RAP1GAP2: variants seen among roughly 807,000 people sequenced by gnomAD.
RAP1GAP2 encodes the protein RAP1 GTPase activating protein 2, also known as rap1 GTPase-activating protein 2.
RAP1GAP2 carries 27 observed loss-of-function variants against 95.0 expected under a neutral mutation model. That is an observed-to-expected ratio of 0.28 (90% CI 0.21 to 0.39). RAP1GAP2 has a LOEUF of 0.39. Among genes scored for constraint, RAP1GAP2 ranks in the 10% least tolerant of loss-of-function variants. RAP1GAP2 has a pLI of 1.00. For missense variants in RAP1GAP2, 771 were observed against 970.0 expected (o/e 0.79, Z 2.72); for synonymous variants, 373 against 380.9 (o/e 0.98, Z 0.24).
chr17:2,956,939 C>T (rs187753403), intron 3 of RAP1GAP2, among the ~76,000 whole-genome samples: 243 of 152,104 alleles, frequency 1.6e-3, no homozygotes, highest in African/African-American at 4.4e-3. Context: ...CCATCCTGGC[C>T]AACATAGTGA....
rs1192591206 is a variant in RAP1GAP2 at position 3,029,792 on chromosome 17, T to TG, written c.2108-1129dup. 6.6e-6 allele frequency among the ~76,000 whole-genome samples: 1 copy of TG among 152,138 alleles called. No homozygotes were observed. Among genetic ancestry groups the TG allele is most frequent in the Non-Finnish European group, 1.5e-5 (1 of 68,030 alleles). ...AGCGGGAAATGTTGACACCGGGCTC[T>TG]GCCACCACTCACACACACTTAACGG... On this transcript the variant is annotated intron_variant, in intron 22 of 24. Coordinates refer to ENST00000254695, the MANE Select transcript of RAP1GAP2 (RefSeq NM_015085.5). This position sits in a 1 kb window ranked among gnomAD's most constrained non-coding sequence, Gnocchi z 4.4.
intron 2 of RAP1GAP2, among the ~76,000 whole-genome samples, chr17:2,847,838 C>A (rs561160462): frequency 6.6e-6 from 1 of 152,138 alleles, no homozygotes; most frequent in Non-Finnish European, 1.5e-5. Context: ...GTACTGACTC[C>A]TGGGCGGCCT....
chr17:2,852,885 A>C (rs1452439860), intron 2 of RAP1GAP2, among the ~76,000 whole-genome samples: 2 of 152,080 alleles, frequency 1.3e-5, no homozygotes, highest in Non-Finnish European at 2.9e-5. Context: ...CGACCTTCCG[A>C]CCTTCCGACC....
rs2047389702 is a variant in RAP1GAP2, at chr17:3,033,378, C to T, written c.*31-14C>T. On this transcript the variant is annotated splice_polypyrimidine_tract_variant and intron_variant, in intron 24 of 24. Coordinates refer to ENST00000254695, the MANE Select transcript of RAP1GAP2 (RefSeq NM_015085.5). The surrounding 1 kb of genome is among the most constrained non-coding windows in gnomAD (Gnocchi z 4.9). ...GAATGTTCGCTCATCGCCGCCTCCT[C>T]CTTGTCTCCTCAGGGAATCCCCTCT... The T allele has an allele frequency of 6.5e-6, 1 of 153,026 alleles. No individual in the cohort carries two copies. Among genetic ancestry groups the T allele is most frequent in the Non-Finnish European group, 1.5e-5 (1 of 68,310 alleles). 9.5% of individuals were successfully genotyped at this position (153,026 alleles called of 1,614,324 possible).
chr17:2,877,355 C>T (rs938864401), intron 2 of RAP1GAP2, among the ~76,000 whole-genome samples: 11 of 152,238 alleles, frequency 7.2e-5, no homozygotes, highest in Non-Finnish European at 1.2e-4. Flanking sequence ...GCCAGCCTCC[C>T]TGCGGCCATG....
At chr17:2,931,061 G>A (rs2043128803) in intron 3 of RAP1GAP2, among the ~76,000 whole-genome samples, 1 of 147,186 alleles carries the variant, frequency 6.8e-6, no homozygotes, top group Non-Finnish European at 1.5e-5. Flanking sequence ...GGCAGGGGCT[G>A]CAGTGAGCCG....
intron 2 of RAP1GAP2, among the ~76,000 whole-genome samples, chr17:2,816,396 G>C (rs950574266): frequency 3.9e-5 from 6 of 151,990 alleles, no homozygotes; most frequent in African/African-American, 1.4e-4. Context: ...GAAGTGCAGT[G>C]GCGCGATCTT....
At chr17:2,852,009 G>A (rs917386555) in intron 2 of RAP1GAP2, among the ~76,000 whole-genome samples, 6 of 152,136 alleles carry the variant, frequency 3.9e-5, no homozygotes, top group Admixed American at 3.9e-4. Context: ...CTAAGCCAGC[G>A]CCCTCATCAC....
intron 2 of RAP1GAP2, among the ~76,000 whole-genome samples, chr17:2,881,032 A>T (rs2073266267): frequency 6.6e-6 from 1 of 151,428 alleles, no homozygotes; most frequent in African/African-American, 2.4e-5. Context: ...AGGCCGAGGC[A>T]GGTGGCTCAT....
intron 3 of RAP1GAP2, among the ~76,000 whole-genome samples, chr17:2,957,363 G>A (rs2044154923): frequency 6.6e-6 from 1 of 152,280 alleles, no homozygotes; most frequent in African/African-American, 2.4e-5. Context: ...GTGGAACGCC[G>A]CTTGTGTTGG....
intron 1 of RAP1GAP2, among the ~76,000 whole-genome samples, chr17:2,788,047 G>T (rs2068832313): frequency 2.6e-5 from 4 of 152,148 alleles, no homozygotes; most frequent in Admixed American, 2.6e-4. Context: ...ATAATGATAT[G>T]ATTAACATCT....
rs770582539 is a variant in RAP1GAP2, at chr17:2,965,527, T to C, written c.493-13T>C. On this transcript the variant is annotated splice_polypyrimidine_tract_variant and intron_variant, in intron 7 of 24. Coordinates refer to ENST00000254695, the MANE Select transcript of RAP1GAP2 (RefSeq NM_015085.5). The surrounding 1 kb of genome is among the most constrained non-coding windows in gnomAD (Gnocchi z 4.7). The stretch of plus-strand genomic sequence containing the variant: ...CTTCCTCCTTCCTGCTCACACTCAG[T>C]TTCTTTTTTTAGGATCATCTAAACT... 194 of 1,599,448 alleles carry C rather than the reference T, an allele frequency of 1.2e-4. No individual in the cohort carries two copies. The highest frequency in any genetic ancestry group is 1.6e-4 in the Non-Finnish European group (183 of 1,171,788).
chr17:2,894,311 T>C (rs577295415), intron 2 of RAP1GAP2, among the ~76,000 whole-genome samples: 15 of 152,264 alleles, frequency 9.9e-5, no homozygotes, highest in Non-Finnish European at 2.2e-4. Context: ...GCACCTGTAG[T>C]CCCAGCTACT....
chr17:2,800,739 G>A (rs570739539), intron 2 of RAP1GAP2, among the ~76,000 whole-genome samples, 189 bp downstream of exon 2: 1 of 152,284 alleles, frequency 6.6e-6, no homozygotes, highest in South Asian at 2.1e-4. Context: ...TTCAGGGAGA[G>A]GTAGAGGTGG....
At chr17:2,850,874 A>G (rs1456397597) in intron 2 of RAP1GAP2, among the ~76,000 whole-genome samples, 1 of 152,124 alleles carries the variant, frequency 6.6e-6, no homozygotes. Context: ...CAGCCTGGCC[A>G]ACATGGCGAA....
At chr17:2,894,385 G>A (rs1224821161) in intron 2 of RAP1GAP2, among the ~76,000 whole-genome samples, 2 of 152,158 alleles carry the variant, frequency 1.3e-5, no homozygotes, top group Admixed American at 6.5e-5. Context: ...AGCCAAGATC[G>A]CGCCACTGCT....
intron 11 of RAP1GAP2, 46 bp downstream of exon 11, chr17:2,985,112 A>G: frequency 1.2e-6 from 2 of 1,610,250 alleles, no homozygotes; most frequent in Middle Eastern, 1.7e-4. Flanking sequence ...GTGGTTTCTC[A>G]CTTAGGACTC....
At chr17:2,936,466 T>A (rs1030136448) in intron 3 of RAP1GAP2, among the ~76,000 whole-genome samples, 5 of 151,750 alleles carry the variant, frequency 3.3e-5, no homozygotes, top group Non-Finnish European at 7.4e-5. Flanking sequence ...ACAAACGCAC[T>A]CACCTTCTTC....
At chr17:2,864,286 G>A (rs2072534617) in intron 2 of RAP1GAP2, among the ~76,000 whole-genome samples, 1 of 152,238 alleles carries the variant, frequency 6.6e-6, no homozygotes, top group Admixed American at 6.5e-5. Flanking sequence ...GCAGCAGTGG[G>A]CAGCAGAGAA....
Sources: allele counts gnomAD v4.1 joint callset (sites outside exome capture counted in the v4.1 genomes callset), GRCh38; gene constraint gnomAD v4.1.1; non-coding constraint Gnocchi (gnomAD v3.1); transcripts MANE v1.5; gene names NCBI Gene and HGNC (gene_info 2026-07-23, HGNC 2026-07-21).